Variants in AQP1 observed in about 807,000 individuals in gnomAD.
AQP1 encodes aquaporin-1.
Under a neutral mutation model 19.7 loss-of-function variants are expected in AQP1, and 11 were observed. The ratio of observed to expected loss-of-function variants is 0.56; its 90% CI spans 0.35 to 0.92. The LOEUF (loss-of-function observed/expected upper bound fraction) is 0.92, where lower values mean the gene tolerates loss of function less well. AQP1 is among the 40% of genes least tolerant of loss of function. AQP1 has a pLI of 0.01. For synonymous variants in AQP1, 159 were observed against 166.7 expected, an observed-to-expected ratio of 0.95 and a Z score of 0.36; for missense variants, 320 against 369.7, an observed-to-expected ratio of 0.87 and a Z score of 1.10.
intron 1 of AQP1, among the ~76,000 whole-genome samples, chr7:30,914,898 G>A (rs745793080): frequency 3.9e-5 from 6 of 152,234 alleles, no homozygotes; most frequent in African/African-American, 7.2e-5. Flanking sequence ...TAGAGAGACC[G>A]TGGGCCTCCG....
rs1467256011 is a variant in AQP1, at chr7:30,925,463, G to A, written c.*1834G>A. Reference sequence around the variant, plus strand: ...TCTGCTCTGCATATATGTCTCTTTGGAGTTGGAATTTCATTATATGTTAAG... The same window carrying A: ...TCTGCTCTGCATATATGTCTCTTTGAAGTTGGAATTTCATTATATGTTAAG... On this transcript the variant is annotated 3_prime_UTR_variant, in exon 4 of 4. Transcript: ENST00000311813. The A allele has an allele frequency of 6.6e-6, 1 of 152,258 alleles. No homozygotes were observed. The highest frequency in any genetic ancestry group is 2.4e-5 in the African/African-American group (1 of 41,468). 9.4% of individuals were successfully genotyped at this position (152,258 alleles called of 1,614,324 possible).
chr7:30,915,448 G>C (rs1446250347), intron 1 of AQP1, among the ~76,000 whole-genome samples: 2 of 152,214 alleles, frequency 1.3e-5, no homozygotes, highest in African/African-American at 4.8e-5. Flanking sequence ...TGGAGACACT[G>C]CAGAGGGAAG....
rs202116280 is a variant in AQP1, at chr7:30,922,242, G to A, written c.549+12G>A. On this transcript the variant is annotated intron_variant, in intron 2 of 3. Coordinates refer to ENST00000311813, the MANE Select transcript of AQP1 (RefSeq NM_198098.4). ...GACACCTCCTGGCTGTGAGTCAGGG[G>A]CCCTCCCAGATGGAGGTGGGGGAAG... 2.4e-4 allele frequency: 387 copies of A among 1,581,076 alleles called. 2 individuals are homozygous for A. In the African/African-American group the frequency reaches 4.8e-3, roughly 19 times the overall value.
intron 1 of AQP1, 130 bp from the exon 2 acceptor site, chr7:30,921,936 G>C: frequency 6.4e-7 from 1 of 1,553,604 alleles, no homozygotes; most frequent in South Asian, 1.1e-5. Context: ...ACCCTGTGAT[G>C]GGCTCTGAAG....
chr7:30,917,512 T>A (rs938130793), intron 1 of AQP1, among the ~76,000 whole-genome samples: 2 of 152,170 alleles, frequency 1.3e-5, no homozygotes, highest in African/African-American at 4.8e-5. Context: ...TTTTTTCTCT[T>A]CTCTTCCCTC....
In AQP1 at chr7:30,923,070, CAG is replaced by C. The variant is rs986664845; in HGVS notation, c.631-377_631-376del. On this transcript the variant is annotated intron_variant, in intron 3 of 3. Coordinates refer to ENST00000311813, the MANE Select transcript of AQP1 (RefSeq NM_198098.4). This position sits in a 1 kb window ranked among gnomAD's most constrained non-coding sequence, Gnocchi z 4.8. ...CCCCATCTGTAAACTGAGCTCAACA[CAG>C]AGGAGGCGCTCAGTGGATTTTAGCT... 6.6e-6 allele frequency among the ~76,000 whole-genome samples: 1 copy of C among 152,258 alleles called. No homozygotes were observed. Among genetic ancestry groups the C allele is most frequent in the African/African-American group, 2.4e-5 (1 of 41,474 alleles).
chr7:30,916,660 T>C (rs554607455), intron 1 of AQP1, among the ~76,000 whole-genome samples: 11 of 152,208 alleles, frequency 7.2e-5, no homozygotes, highest in Admixed American at 2.0e-4. Flanking sequence ...ATCTCCAACT[T>C]AAAAGATATC....
intron 1 of AQP1, among the ~76,000 whole-genome samples, chr7:30,916,860 G>A (rs2128589302): frequency 6.6e-6 from 1 of 152,266 alleles, no homozygotes; most frequent in African/African-American, 2.4e-5. Flanking sequence ...TGTGCAAGTA[G>A]ATGCTTTCTG....
In AQP1 at chr7:30,924,184, G is replaced by A. The variant is rs1380350257; in HGVS notation, c.*555G>A. Reference sequence around the variant, plus strand: ...CGCTCGGACTTACTGCCTGACCTTGGAATCGTCCCTATATCAGGGCCTGAG... The same window carrying A: ...CGCTCGGACTTACTGCCTGACCTTGAAATCGTCCCTATATCAGGGCCTGAG... On this transcript the variant is annotated 3_prime_UTR_variant, in exon 4 of 4. Transcript: ENST00000311813. The A allele has an allele frequency of 7.4e-5, 83 of 1,114,118 alleles. 1 individual carries two copies. The highest frequency in any genetic ancestry group is 1.9e-4 in the Admixed American group (5 of 25,886). The allele number at this position is 1,114,118 out of a possible 1,614,324, so 69.0% of individuals were successfully genotyped here. A position where few individuals can be genotyped will look rare whatever the true frequency, so the allele number is the denominator to read the frequency against.
intron 1 of AQP1, among the ~76,000 whole-genome samples, chr7:30,914,784 G>C (rs1490282081): frequency 6.6e-6 from 1 of 152,254 alleles, no homozygotes; most frequent in Non-Finnish European, 1.5e-5. Context: ...AAGGAAAACA[G>C]AGAAAGATGT....
chr7:30,916,123 C>T (rs1393697277), intron 1 of AQP1, among the ~76,000 whole-genome samples: 1 of 152,212 alleles, frequency 6.6e-6, no homozygotes, highest in Non-Finnish European at 1.5e-5. Context: ...CAGTGTTGCC[C>T]ACCCTGATGC....
Position 30,923,313 on chromosome 7 carries a change from G to A in AQP1, c.631-137G>A. 2.0e-6 allele frequency: 3 copies of A among 1,505,062 alleles called. No homozygotes were observed. Among genetic ancestry groups the A allele is most frequent in the Non-Finnish European group, 2.7e-6 (3 of 1,121,386 alleles). The allele number at this position is 1,505,062 out of a possible 1,614,324, so 93.2% of individuals were successfully genotyped here. On this transcript the variant is annotated intron_variant, in intron 3 of 3. Coordinates refer to ENST00000311813, the MANE Select transcript of AQP1 (RefSeq NM_198098.4). The surrounding 1 kb of genome is among the most constrained non-coding windows in gnomAD (Gnocchi z 4.8). ...AGGGGCACCGGAATCATGATGTTAG[G>A]ATTTGGCTCTCCTACCTGCCTCCAT...
chr7:30,916,624 T>C (rs551463773), intron 1 of AQP1, among the ~76,000 whole-genome samples: 1 of 152,138 alleles, frequency 6.6e-6, no homozygotes, highest in Non-Finnish European at 1.5e-5. Flanking sequence ...TACAGTTCTG[T>C]GGGGTGGGCA....
At position 30,922,179 on chromosome 7, in the gene AQP1, CT is replaced by C; in HGVS notation, c.499del (p.Ser167GlnfsTer10). 6.2e-7 allele frequency: 1 copy of C among 1,612,730 alleles called. No individual in the cohort carries two copies. Among genetic ancestry groups the C allele is most frequent in the African/African-American group, 1.3e-5 (1 of 75,050 alleles). ...TDRRRRDLGG[S>X]APLAIGLSVA... is the part of the protein sequence containing the mutation. ...ACCGGAGGCGCCGTGACCTTGGTGGCTCAGCCCCCCTTGCCATCGGCCTCTC... is the reference window on the plus strand; with the variant it reads ...ACCGGAGGCGCCGTGACCTTGGTGGCCAGCCCCCCTTGCCATCGGCCTCTC... On this transcript the variant is annotated frameshift_variant, in exon 2 of 4. Coordinates refer to ENST00000311813, the MANE Select transcript of AQP1 (RefSeq NM_198098.4). LOFTEE classifies it high-confidence loss of function.
In AQP1 at chr7:30,912,245, C is replaced by G; in HGVS notation, c.336C>G (p.Leu112=). 1 of 1,607,784 alleles carries G rather than the reference C, an allele frequency of 6.2e-7. No homozygotes were observed. The highest frequency in any genetic ancestry group is 8.5e-7 in the Non-Finnish European group (1 of 1,179,936). Residue 112 remains leucine, a synonymous_variant, in exon 1 of 4, where the codon CTC becomes CTG. Coordinates refer to ENST00000311813, the MANE Select transcript of AQP1 (RefSeq NM_198098.4). The surrounding 1 kb of genome is among the most constrained non-coding windows in gnomAD (Gnocchi z 4.3). ...GGGCCATCGTCGCCACCGCCATCCT[C>G]TCAGGCATCACCTCCTCCCTGACTG... The part of the protein sequence containing the change: ...CVGAIVATAI[L]SGITSSLTGN...
chr7:30,919,556 CTTTTTT>C (rs138132377), intron 1 of AQP1, among the ~76,000 whole-genome samples: 151 of 138,680 alleles, frequency 1.1e-3, no homozygotes, highest in African/African-American at 3.0e-3. Context: ...CTGATTCTTA[CTTTTTT>C]TTTTTTTTTT....
In AQP1 at chr7:30,924,603, C is replaced by T. The variant is rs1791630738; in HGVS notation, c.*974C>T. The T allele has an allele frequency of 6.6e-6, 1 of 152,370 alleles. No individual in the cohort carries two copies. The highest frequency in any genetic ancestry group is 1.5e-5 in the Non-Finnish European group (1 of 68,130). 9.4% of individuals were successfully genotyped at this position (152,370 alleles called of 1,614,324 possible). On this transcript the variant is annotated 3_prime_UTR_variant, in exon 4 of 4. Transcript: ENST00000311813. Reference sequence around the variant, plus strand: ...CTCATTCTTCAGTTCTCTACTCCCTCTTGTCAGTGTAGACACAGGTCACCA... The same window carrying T: ...CTCATTCTTCAGTTCTCTACTCCCTTTTGTCAGTGTAGACACAGGTCACCA...
intron 1 of AQP1, 108 bp from the exon 2 acceptor site, chr7:30,921,958 G>C: frequency 1.3e-6 from 2 of 1,574,116 alleles, no homozygotes; most frequent in South Asian, 2.2e-5. Context: ...CCCATCTGAG[G>C]GTCCGCCCTT....
At chr7:30,914,069 G>A (rs1234742046) in intron 1 of AQP1, among the ~76,000 whole-genome samples, 2 of 152,334 alleles carry the variant, frequency 1.3e-5, no homozygotes, top group South Asian at 2.1e-4. Flanking sequence ...CCTCTAGTAT[G>A]CGCATCCGAG....
Sources: allele counts gnomAD v4.1 joint callset (sites outside exome capture counted in the v4.1 genomes callset), GRCh38; gene constraint gnomAD v4.1.1; non-coding constraint Gnocchi (gnomAD v3.1); transcripts MANE v1.5; gene names NCBI Gene and HGNC (gene_info 2026-07-23, HGNC 2026-07-21).